ANKRD30B: variants seen among roughly 807,000 people sequenced by gnomAD.
ANKRD30B encodes the protein ankyrin repeat domain 30B.
In ANKRD30B, 144 loss-of-function variants were observed where a neutral mutation model predicts 202.2. The ratio of observed to expected loss-of-function variants is 0.71; its 90% CI spans 0.62 to 0.82. ANKRD30B has a LOEUF of 0.82. Ranked by LOEUF, ANKRD30B falls within the 40% of genes least tolerant of loss-of-function variation. The pLI, the probability that ANKRD30B is intolerant of heterozygous loss-of-function variation, is 0.00. For missense variants in ANKRD30B, 1,487 were observed against 1,669.1 expected, an observed-to-expected ratio of 0.89 and a Z score of 1.90; for synonymous variants, 508 against 561.3, an observed-to-expected ratio of 0.91 and a Z score of 1.34.
intron 34 of ANKRD30B, among the ~76,000 whole-genome samples, chr18:14,834,743 A>G (rs1024745641): frequency 5.9e-5 from 9 of 151,952 alleles, no homozygotes; most frequent in African/African-American, 2.2e-4. Context: ...AATTATTCTG[A>G]TTTGATTATG....
chr18:14,912,300 C>T, the ANKRD30B span, among the ~76,000 whole-genome samples: 9 of 152,018 alleles, frequency 5.9e-5, no homozygotes, highest in Non-Finnish European at 1.2e-4. Context: ...CCTTCTATGC[C>T]TAGTTTTTTT....
At chr18:14,903,465 A>G in the ANKRD30B span, 1 of 152,160 alleles carries the variant, frequency 6.6e-6, no homozygotes, top group African/African-American at 2.4e-5. Flanking sequence ...CTCTTTGAAA[A>G]TTGACTGAGA....
In ANKRD30B at chr18:14,796,390, A is replaced by C; in HGVS notation, c.1902A>C (p.Leu634Phe). The change falls in exon 18 of 44, where the codon TTA becomes TTC. Residue 634 changes from leucine to phenylalanine, a missense_variant. This residue lies in a region of ANKRD30B where 889 missense variants were observed against 841.4 expected (regional missense o/e 1.06). Coordinates refer to ENST00000690538, the MANE Select transcript of ANKRD30B (RefSeq NM_001367607.2). ...KVSLPNKALE[L>F]KDRETFKAES... Reference sequence around the variant, plus strand: ...CTCTTCCAAATAAAGCCTTAGAATTAAAGGACAGAGAAACATTCAAAGCAG... The same window carrying C: ...CTCTTCCAAATAAAGCCTTAGAATTCAAGGACAGAGAAACATTCAAAGCAG... 2 of 1,559,458 alleles carry C rather than the reference A, an allele frequency of 1.3e-6. No homozygotes were observed. The highest frequency in any genetic ancestry group is 1.7e-6 in the Non-Finnish European group (2 of 1,151,298).
chr18:14,856,538 C>G, downstream of ANKRD30B, among the ~76,000 whole-genome samples: 1 of 128,176 alleles, frequency 7.8e-6, no homozygotes, highest in Non-Finnish European at 1.7e-5. Flanking sequence ...AGATGATGGG[C>G]AGCCAGGCAG....
At chr18:14,915,991 T>G in the ANKRD30B span, among the ~76,000 whole-genome samples, 1 of 152,362 alleles carries the variant, frequency 6.6e-6, no homozygotes, top group Non-Finnish European at 1.5e-5. Context: ...GAAGGTTATC[T>G]GCAAACACTA....
At chr18:14,760,349 T>A (rs1915060393) in intron 5 of ANKRD30B, among the ~76,000 whole-genome samples, 1 of 152,186 alleles carries the variant, frequency 6.6e-6, no homozygotes, top group Non-Finnish European at 1.5e-5. Flanking sequence ...CCTCAATTCA[T>A]GAGTATTTCA....
At chr18:14,860,147 C>T in the ANKRD30B span, among the ~76,000 whole-genome samples, 1 of 147,862 alleles carries the variant, frequency 6.8e-6, no homozygotes, top group African/African-American at 2.5e-5. Context: ...CTCCTCACTT[C>T]CCAGATGGTG....
At chr18:14,753,077 T>C (rs776005399) in intron 3 of ANKRD30B, 65 bp downstream of exon 3, 33 of 1,290,236 alleles carry the variant, frequency 2.6e-5, no homozygotes, top group Non-Finnish European at 3.4e-5. Context: ...TTAACATATG[T>C]AAGGCTTTTA....
chr18:14,778,909 T>C (rs12967720), intron 10 of ANKRD30B, among the ~76,000 whole-genome samples: 60,705 of 152,046 alleles, frequency 0.4, 13,486 homozygotes, highest in East Asian at 0.58. Context: ...TTTCTGAGTA[T>C]GTTTCTGACC....
In ANKRD30B at chr18:14,852,087, A is replaced by G; in HGVS notation, c.4143A>G (p.Glu1381=). ...TAAGAGAAAATGCATTGGTTTCAGA[A>G]CATGCACAAAGAGACCGATGTGAAA... ...DDLRENALVS[E]HAQRDRCETQ... is the part of the protein sequence containing the mutation. The change falls in exon 42 of 44, where the codon GAA becomes GAG. Residue 1381 remains glutamate (E), a synonymous_variant. Coordinates refer to ENST00000690538, the MANE Select transcript of ANKRD30B (RefSeq NM_001367607.2). 1 of 1,610,178 alleles carries G rather than the reference A, an allele frequency of 6.2e-7. No homozygotes were observed. Among genetic ancestry groups the G allele is most frequent in the Non-Finnish European group, 8.5e-7 (1 of 1,177,684 alleles).
chr18:14,859,139 A>C (rs1318313553), downstream of ANKRD30B, among the ~76,000 whole-genome samples: 2 of 100,986 alleles, frequency 2.0e-5, no homozygotes, highest in South Asian at 3.0e-4. Flanking sequence ...CCAGACGGGG[A>C]GACCAGGAAG....
At chr18:14,830,359 C>T (rs551859444) in intron 33 of ANKRD30B, 1 of 152,424 alleles carries the variant, frequency 6.6e-6, no homozygotes, top group African/African-American at 2.4e-5. Flanking sequence ...TAGACCTGAA[C>T]AAGGAAGGAA....
intron 34 of ANKRD30B, among the ~76,000 whole-genome samples, chr18:14,834,188 A>C (rs1439279266): frequency 6.6e-6 from 1 of 152,204 alleles, no homozygotes; most frequent in Non-Finnish European, 1.5e-5. Context: ...TACAAGAGGT[A>C]ATTAATACAA....
At chr18:14,808,882 T>C (rs1311728758) in intron 26 of ANKRD30B, 138 bp downstream of exon 26, 4 of 784,416 alleles carry the variant, frequency 5.1e-6, no homozygotes, top group East Asian at 2.7e-5. Context: ...CAAATGTTAG[T>C]ATTTATGTTT....
Position 14,791,438 on chromosome 18 carries a change from T to C in ANKRD30B, c.1772T>C (p.Leu591Ser), listed in dbSNP as rs1295390127. 2 of 1,611,330 alleles carry C rather than the reference T, an allele frequency of 1.2e-6. No individual in the cohort carries two copies. Among genetic ancestry groups the C allele is most frequent in the Admixed American group, 1.7e-5 (1 of 59,494 alleles). The change falls in exon 16 of 44, where the codon TTA (leucine) becomes TCA (serine). Residue 591 changes from leucine (L) to serine (S), a missense_variant. By Grantham distance (145) the Leu-to-Ser change is moderately radical. Around this residue, in one of 6 missense-constraint regions of ANKRD30B, gnomAD observed 889 missense variants for 841.4 expected, o/e 1.06. Coordinates refer to ENST00000690538, the MANE Select transcript of ANKRD30B (RefSeq NM_001367607.2). The part of the protein sequence containing the change: ...CETVSQKDVY[L>S]PKATHQKEFD... ...ACGGTTTCACAGAAGGATGTGTATTTACCCAAAGCTACACATCAAAAAGAA... is the reference window on the plus strand; with the variant it reads ...ACGGTTTCACAGAAGGATGTGTATTCACCCAAAGCTACACATCAAAAAGAA...
At chr18:14,920,024 G>A in the ANKRD30B span, among the ~76,000 whole-genome samples, 4 of 152,236 alleles carry the variant, frequency 2.6e-5, no homozygotes, top group Non-Finnish European at 5.9e-5. Context: ...GATGTGGGAA[G>A]TTTTCCCCAG....
intron 37 of ANKRD30B, among the ~76,000 whole-genome samples, 156 bp from the exon 38 acceptor site, chr18:14,842,741 T>G (rs2792541): frequency 2.7e-3 from 310 of 113,788 alleles, no homozygotes; most frequent in East Asian, 9.4e-3. Flanking sequence ...TGTCATGTGA[T>G]TGTCCTAAAG....
At chr18:14,756,533 T>G (rs1394636973) in intron 4 of ANKRD30B, among the ~76,000 whole-genome samples, 1 of 152,224 alleles carries the variant, frequency 6.6e-6, no homozygotes, top group Non-Finnish European at 1.5e-5. Context: ...TTTTTATGGT[T>G]TTAGGTCTAA....
At chr18:14,835,226 T>A (rs561511787) in intron 34 of ANKRD30B, among the ~76,000 whole-genome samples, 4 of 151,750 alleles carry the variant, frequency 2.6e-5, no homozygotes, top group Non-Finnish European at 5.9e-5. Flanking sequence ...AAATTATTAA[T>A]CTCTAGAAAT....
Sources: gnomAD v4.1 joint callset for allele counts (sites outside exome capture counted in the v4.1 genomes callset) on GRCh38, gnomAD v4.1.1 for gene constraint, gnomAD v4.1.1 regional missense constraint, MANE v1.5 for transcripts, NCBI Gene and HGNC (gene_info 2026-07-23, HGNC 2026-07-21) for gene names.